Variants in FAIM observed in about 807,000 individuals in gnomAD.
FAIM encodes the protein fas apoptotic inhibitory molecule 1.
In FAIM, 14 loss-of-function variants were observed where a neutral mutation model predicts 21.2. The ratio of observed to expected loss-of-function variants is 0.66; its 90% CI spans 0.44 to 1.03. The LOEUF (loss-of-function observed/expected upper bound fraction) is 1.03, where lower values mean the gene tolerates loss of function less well. Ranked by LOEUF, FAIM falls within the 50% of genes least tolerant of loss-of-function variation. FAIM has a pLI of 0.00. For synonymous variants in FAIM, 86 were observed against 80.4 expected, an observed-to-expected ratio of 1.07 and a Z score of -0.37; for missense variants, 222 against 247.1, an observed-to-expected ratio of 0.90 and a Z score of 0.68.
At chr3:138,618,288 A>G (rs555348029) in intron 1 of FAIM, among the ~76,000 whole-genome samples, 82 of 152,294 alleles carry the variant, frequency 5.4e-4, no homozygotes, top group African/African-American at 1.9e-3. Flanking sequence ...TATTTTAGGT[A>G]CAAATATTTA....
At chr3:138,622,074 C>G in intron 3 of FAIM, 114 bp from the exon 4 acceptor site, 1 of 898,694 alleles carries the variant, frequency 1.1e-6, no homozygotes, top group Non-Finnish European at 1.6e-6. Flanking sequence ...GCCACCACTC[C>G]CGGCAATGAA....
At chr3:138,631,571 G>T (rs2043005737) in intron 5 of FAIM, among the ~76,000 whole-genome samples, 1 of 152,184 alleles carries the variant, frequency 6.6e-6, no homozygotes, top group Admixed American at 6.5e-5. Flanking sequence ...AACCTAGTTT[G>T]CAGGGCAGTT....
intron 5 of FAIM, 123 bp from the exon 6 acceptor site, chr3:138,632,806 CA>C: frequency 1.0e-6 from 1 of 969,664 alleles, no homozygotes; most frequent in Non-Finnish European, 1.4e-6. Flanking sequence ...CTTTGTTTTT[CA>C]AAGCTTATTG....
intron 4 of FAIM, among the ~76,000 whole-genome samples, chr3:138,624,193 A>G (rs2042916293): frequency 6.6e-6 from 1 of 152,228 alleles, no homozygotes; most frequent in African/African-American, 2.4e-5. Flanking sequence ...AAGGATTATG[A>G]TTAGTGTCAA....
intron 1 of FAIM, among the ~76,000 whole-genome samples, chr3:138,618,063 T>G (rs1159011127): frequency 6.6e-6 from 1 of 151,204 alleles, no homozygotes; most frequent in Non-Finnish European, 1.5e-5. Flanking sequence ...TCACTGCAGC[T>G]TCTAACTCCT....
chr3:138,629,145 T>C lies in FAIM; in HGVS notation c.445T>C (p.Leu149=), dbSNP rs145920343. Residue 149 remains leucine (L), a synonymous_variant, in exon 5 of 6, where the codon TTG becomes CTG. Transcript: ENST00000360570. ...GGACGTATGGTGCAATGGTAAAAAA[T>C]TGGAGACAGCGGTAAGTTGACTATT... ...AMDVWCNGKK[L]ETAGEFVDDG... is the part of the protein sequence containing the mutation. 500 of 1,611,980 alleles carry C rather than the reference T, an allele frequency of 3.1e-4. 2 individuals are homozygous for C. Among genetic ancestry groups the C allele is most frequent in the Middle Eastern group, 6.6e-4 (4 of 6,054 alleles).
chr3:138,615,692 A>G (rs770395264), intron 1 of FAIM, among the ~76,000 whole-genome samples: 95 of 152,222 alleles, frequency 6.2e-4, no homozygotes, highest in Middle Eastern at 3.4e-3. Flanking sequence ...GTTTTTAATG[A>G]TTTTCCCTGA....
chr3:138,611,851 C>T (rs527319150), intron 1 of FAIM, among the ~76,000 whole-genome samples: 2 of 152,340 alleles, frequency 1.3e-5, no homozygotes, highest in South Asian at 4.1e-4. Flanking sequence ...GAGGCCCTCA[C>T]CAAATGCAGA....
intron 4 of FAIM, among the ~76,000 whole-genome samples, chr3:138,624,153 C>T (rs2108349996): frequency 6.6e-6 from 1 of 152,266 alleles, no homozygotes; most frequent in South Asian, 2.1e-4. Flanking sequence ...ACCACTGGAT[C>T]TCATTAATAA....
At chr3:138,611,146 A>T (rs973249683) in intron 1 of FAIM, 5 of 886,210 alleles carry the variant, frequency 5.6e-6, no homozygotes, top group East Asian at 4.9e-5. Flanking sequence ...TAACTTAGAG[A>T]TCTATGTGAC....
At chr3:138,614,054 C>A (rs1233163985) in intron 1 of FAIM, among the ~76,000 whole-genome samples, 1 of 152,074 alleles carries the variant, frequency 6.6e-6, no homozygotes, top group Non-Finnish European at 1.5e-5. Flanking sequence ...CTATTCTTTC[C>A]CCACCAGTTA....
intron 4 of FAIM, among the ~76,000 whole-genome samples, chr3:138,628,291 T>C (rs183702577): frequency 3.3e-5 from 5 of 152,298 alleles, no homozygotes; most frequent in Admixed American, 2.6e-4. Context: ...ACTAGATTTC[T>C]AAAGCGGACA....
intron 5 of FAIM, chr3:138,630,152 T>C (rs559171423): frequency 6.6e-6 from 1 of 152,228 alleles, no homozygotes; most frequent in Admixed American, 6.5e-5. Context: ...ACATTTTGCA[T>C]GTTGTAGTTG....
intron 4 of FAIM, among the ~76,000 whole-genome samples, chr3:138,628,532 T>A (rs767002648): frequency 2.0e-5 from 3 of 152,018 alleles, no homozygotes; most frequent in Admixed American, 2.0e-4. Flanking sequence ...TTGCCCAGGC[T>A]AGAGTGCAGT....
chr3:138,619,624 C>T, intron 1 of FAIM, 87 bp from the exon 2 acceptor site: 6 of 1,185,980 alleles, frequency 5.1e-6, no homozygotes, highest in Non-Finnish European at 3.7e-6. Flanking sequence ...ATTAGAAAAA[C>T]CCTTTGTAGA....
chr3:138,631,883 T>C (rs2043009120), intron 5 of FAIM, among the ~76,000 whole-genome samples: 1 of 152,158 alleles, frequency 6.6e-6, no homozygotes, highest in Non-Finnish European at 1.5e-5. Context: ...GGCCACATCC[T>C]TCCCAGAGCT....
At chr3:138,622,757 T>G (rs2042901600) in intron 4 of FAIM, among the ~76,000 whole-genome samples, 1 of 152,116 alleles carries the variant, frequency 6.6e-6, no homozygotes, top group Non-Finnish European at 1.5e-5. Flanking sequence ...AATGTAATAT[T>G]GCCAGGCGCA....
chr3:138,621,207 A>G, intron 2 of FAIM, 200 bp from the exon 3 acceptor site: 3 of 574,552 alleles, frequency 5.2e-6, no homozygotes, highest in Non-Finnish European at 9.1e-6. Flanking sequence ...GTACCCATAT[A>G]TAGTAGTTGT....
rs573629145 is a variant in FAIM, at chr3:138,633,183, A to C, written c.*104A>C. 3 of 1,042,146 alleles carry C rather than the reference A, an allele frequency of 2.9e-6. No individual in the cohort carries two copies. In the South Asian group the frequency reaches 9.2e-5, roughly 32 times the overall value. 64.6% of individuals were successfully genotyped at this position (1,042,146 alleles called of 1,614,324 possible). A position where few individuals can be genotyped will look rare whatever the true frequency, so the allele number is the denominator to read the frequency against. ...AGTACATTTAGTCTGCAATGTTTTA[A>C]TTTTTTAAAAAGTTACATGAAACTA... On this transcript the variant is annotated 3_prime_UTR_variant, in exon 6 of 6. Coordinates refer to ENST00000360570, the MANE Select transcript of FAIM (RefSeq NM_001033031.2).
Sources: allele counts gnomAD v4.1 joint callset (sites outside exome capture counted in the v4.1 genomes callset), GRCh38; gene constraint gnomAD v4.1.1; transcripts MANE v1.5; gene names NCBI Gene and HGNC (gene_info 2026-07-23, HGNC 2026-07-21).